FRYL: variants seen among roughly 807,000 people sequenced by gnomAD.
The protein encoded by FRYL is protein furry homolog-like.
FRYL carries 150 observed loss-of-function variants against 351.2 expected under a neutral mutation model. The ratio of observed to expected loss-of-function variants is 0.43; its 90% confidence interval spans 0.37 to 0.49. FRYL has a LOEUF of 0.49. Ranked by LOEUF, FRYL falls within the 20% of genes least tolerant of loss-of-function variation. The probability of loss-of-function intolerance (pLI) is 0.00; values close to 1 mark genes in which losing one functional copy is unlikely to be tolerated. For missense variants in FRYL, 3,036 were observed against 3,619.3 expected (o/e 0.84, Z 4.13); for synonymous variants, 1,153 against 1,257.1 (o/e 0.92, Z 1.75).
intron 1 of FRYL, among the ~76,000 whole-genome samples, chr4:48,719,751 A>C (rs1445759522): frequency 1.3e-5 from 2 of 151,690 alleles, no homozygotes; most frequent in Non-Finnish European, 2.9e-5. Flanking sequence ...ATGCAAGAAC[A>C]ACCACCCTCT....
chr4:48,572,934 G>A (rs1387846865), intron 26 of FRYL, among the ~76,000 whole-genome samples: 2 of 152,036 alleles, frequency 1.3e-5, no homozygotes, highest in Admixed American at 6.5e-5. Context: ...TTTACCATCC[G>A]GTCCTTTGCA....
At chr4:48,604,856 T>C (rs1190986856) in intron 11 of FRYL, among the ~76,000 whole-genome samples, 1 of 152,150 alleles carries the variant, frequency 6.6e-6, no homozygotes, top group Admixed American at 6.5e-5. Flanking sequence ...CCTCTCTTCC[T>C]ACAACCTGCT....
chr4:48,569,624 A>G (rs1002371164), intron 27 of FRYL, among the ~76,000 whole-genome samples: 1 of 151,768 alleles, frequency 6.6e-6, no homozygotes, highest in African/African-American at 2.4e-5. Flanking sequence ...TTTGCTTTTT[A>G]TTAAGAAAGA....
chr4:48,677,049 C>T (rs1444653928), intron 3 of FRYL, among the ~76,000 whole-genome samples: 1 of 152,132 alleles, frequency 6.6e-6, no homozygotes, highest in Non-Finnish European at 1.5e-5. Flanking sequence ...GTGTGCTCTA[C>T]AGGCATTTAA....
intron 1 of FRYL, among the ~76,000 whole-genome samples, chr4:48,720,024 C>A (rs1440214106): frequency 1.3e-5 from 2 of 150,664 alleles, no homozygotes; most frequent in East Asian, 3.9e-4. Context: ...GTGGCGTGCA[C>A]CTGTAATCCC....
At chr4:48,596,212 C>G in intron 13 of FRYL, among the ~76,000 whole-genome samples, 1 of 152,040 alleles carries the variant, frequency 6.6e-6, no homozygotes, top group Middle Eastern at 3.4e-3. Flanking sequence ...TTTCAAAATG[C>G]TAAAATTTTA....
intron 1 of FRYL, among the ~76,000 whole-genome samples, chr4:48,770,153 G>C (rs1323013573): frequency 6.6e-6 from 1 of 152,088 alleles, no homozygotes; most frequent in Non-Finnish European, 1.5e-5. Context: ...TCCTAGTTAA[G>C]GTTATTAATA....
At chr4:48,718,486 A>T (rs1275352504) in intron 1 of FRYL, among the ~76,000 whole-genome samples, 1 of 151,576 alleles carries the variant, frequency 6.6e-6, no homozygotes, top group Non-Finnish European at 1.5e-5. Context: ...CTTCTACTCT[A>T]TACGTTAGTT....
Position 48,590,814 on chromosome 4 carries a change from A to C in FRYL, c.1352T>G (p.Leu451Arg). ...GTCTGCTATTACAAGGAAGACTCTG[A>C]GACCTATGTTCATTCTCTTCAAAGG... Reference protein sequence around the residue: ...TINPERMNIGLRVFLVIADSL... With the variant: ...TINPERMNIGRRVFLVIADSL... The change falls in exon 17 of 64, where the codon CTC (leucine) becomes CGC (arginine). Residue 451 changes from leucine (L) to arginine (R), a missense_variant. By Grantham distance (102) the Leu-to-Arg change is moderately radical. This residue lies in a region of FRYL where 457 missense variants were observed against 566.6 expected (regional missense o/e 0.81). Coordinates refer to ENST00000358350, the MANE Select transcript of FRYL (RefSeq NM_015030.2). 6.2e-7 allele frequency: 1 copy of C among 1,611,508 alleles called. No homozygotes were observed. Among genetic ancestry groups the C allele is most frequent in the Non-Finnish European group, 8.5e-7 (1 of 1,179,352 alleles).
rs944655881 is a variant in FRYL, at chr4:48,710,525, G to A, written c.-210C>T. 7.5e-6 allele frequency: 3 copies of A among 398,500 alleles called. No individual in the cohort carries two copies. Among genetic ancestry groups the A allele is most frequent in the African/African-American group, 6.2e-5 (3 of 48,640 alleles). The allele number at this position is 398,500 out of a possible 1,614,324, so 24.7% of individuals were successfully genotyped here. On this transcript the variant is annotated 5_prime_UTR_variant, in exon 2 of 64. Coordinates refer to ENST00000358350, the MANE Select transcript of FRYL (RefSeq NM_015030.2). ...GAAATATACATGTCCTTACCACTTA[G>A]AAATGGTTGTTGAGGCACAGAGTTT...
At chr4:48,752,852 C>A (rs1362061952) in intron 1 of FRYL, among the ~76,000 whole-genome samples, 2 of 152,182 alleles carry the variant, frequency 1.3e-5, no homozygotes, top group Non-Finnish European at 2.9e-5. Context: ...TCCCTTCTTC[C>A]TGCCTTTTAG....
At chr4:48,548,507 G>A (rs2148975425) in intron 40 of FRYL, among the ~76,000 whole-genome samples, 183 bp downstream of exon 40, 1 of 152,268 alleles carries the variant, frequency 6.6e-6, no homozygotes, top group East Asian at 1.9e-4. Context: ...ATGTTTGTTT[G>A]TGGTTAGAAG....
In FRYL at chr4:48,687,031, G is replaced by T. The variant is rs143070478; in HGVS notation, c.-203-2236C>A. Among the ~76,000 whole-genome samples the T allele has an allele frequency of 4.4e-3, 670 of 152,212 alleles. 8 individuals carry two copies. The highest frequency in any genetic ancestry group is 0.015 in the African/African-American group (606 of 41,540). On this transcript the variant is annotated intron_variant, in intron 2 of 63. Transcript: ENST00000358350. ...TTTTAGCAGGGCTGGATTGGTGGGG[G>T]TGGGTCTTTCTGGGACCTTTTTCGT...
Position 48,681,628 on chromosome 4 carries a change from G to A in FRYL, c.-81+3045C>T, listed in dbSNP as rs540488015. On this transcript the variant is annotated intron_variant, in intron 3 of 63. Transcript: ENST00000358350. ...TGTCAACTTTTATAAAACATGAAAA[G>A]GAGTCATTTAAAACTTTATTCTATA... Among the ~76,000 whole-genome samples, 11 of 152,124 alleles carry A rather than the reference G, an allele frequency of 7.2e-5. No individual in the cohort carries two copies. In the East Asian group the frequency reaches 9.6e-4, roughly 13 times the overall value.
At chr4:48,545,011 G>T in intron 42 of FRYL, 107 bp from the exon 43 acceptor site, 1 of 1,138,194 alleles carries the variant, frequency 8.8e-7, no homozygotes, top group South Asian at 1.9e-5. Flanking sequence ...GATGGTAGTT[G>T]AATAAATAGG....
rs191182137 is a variant in FRYL at position 48,614,534 on chromosome 4, C to T, written c.412-4711G>A. The stretch of plus-strand genomic sequence containing the variant: ...GTCAGGAGTTCGTGACTAGCCTGAC[C>T]AACATGGTGAAACCCCATCTCTTCT... On this transcript the variant is annotated intron_variant, in intron 7 of 63. Transcript: ENST00000358350. Among the ~76,000 whole-genome samples, 661 of 151,838 alleles carry T rather than the reference C, an allele frequency of 4.4e-3. 4 individuals are homozygous for T. The highest frequency in any genetic ancestry group is 5.6e-3 in the Non-Finnish European group (380 of 67,914).
intron 1 of FRYL, among the ~76,000 whole-genome samples, chr4:48,719,923 G>A (rs1343580705): frequency 2.6e-5 from 4 of 151,286 alleles, no homozygotes; most frequent in Admixed American, 6.7e-5. Flanking sequence ...AGGCTGAGGT[G>A]AGTGGATCAC....
chr4:48,570,267 G>A (rs1255318466), intron 27 of FRYL, among the ~76,000 whole-genome samples: 1 of 152,174 alleles, frequency 6.6e-6, no homozygotes, highest in Non-Finnish European at 1.5e-5. Flanking sequence ...TCAAGGGGCT[G>A]GGCTTAGTGT....
intron 3 of FRYL, chr4:48,638,616 C>T (rs1215784016): frequency 6.6e-6 from 1 of 152,024 alleles, no homozygotes; most frequent in Non-Finnish European, 1.5e-5. Context: ...GGTATATACC[C>T]AAAGGATTAT....
Sources: gnomAD v4.1 joint callset for allele counts (sites outside exome capture counted in the v4.1 genomes callset) on GRCh38, gnomAD v4.1.1 for gene constraint, gnomAD v4.1.1 regional missense constraint, MANE v1.5 for transcripts, NCBI Gene and HGNC (gene_info 2026-07-23, HGNC 2026-07-21) for gene names.